The following CCNJL variants were observed in gnomAD, a reference collection of about 807,000 sequenced individuals.
CCNJL encodes the protein cyclin-J-like protein.
CCNJL carries 33 observed loss-of-function variants against 33.4 expected under a neutral mutation model. The ratio of observed to expected loss-of-function variants is 0.99; its 90% CI spans 0.75 to 1.32. CCNJL has a LOEUF of 1.32. Among genes scored for constraint, CCNJL ranks in the 40% most tolerant of loss-of-function variants. The pLI, the probability that CCNJL is intolerant of heterozygous loss-of-function variation, is 0.00. For synonymous variants in CCNJL, 227 were observed against 220.9 expected, an observed-to-expected ratio of 1.03 and a Z score of -0.24; for missense variants, 512 against 499.7, an observed-to-expected ratio of 1.02 and a Z score of -0.23.
At chr5:160,321,601 G>A (rs778684280) in intron 1 of CCNJL, among the ~76,000 whole-genome samples, 7 of 152,176 alleles carry the variant, frequency 4.6e-5, no homozygotes, top group East Asian at 3.9e-4. Context: ...TCTTGATTAC[G>A]CAAGTATCAT....
chr5:160,285,975 A>C (rs1235718560), intron 2 of CCNJL, among the ~76,000 whole-genome samples: 2 of 152,228 alleles, frequency 1.3e-5, no homozygotes, highest in Non-Finnish European at 2.9e-5. Context: ...ACAAGCTTGC[A>C]GACTACGTGG....
chr5:160,326,822 T>C (rs1396774105), intron 1 of CCNJL: 3 of 805,692 alleles, frequency 3.7e-6, no homozygotes, highest in Non-Finnish European at 6.5e-6. Flanking sequence ...AATATGCGGA[T>C]AGAAGGCTGT....
At chr5:160,282,995 A>ATATATT (rs1474304691) in intron 2 of CCNJL, among the ~76,000 whole-genome samples, 1 of 58,364 alleles carries the variant, frequency 1.7e-5, no homozygotes, top group Non-Finnish European at 3.1e-5. Flanking sequence ...ATATATATAT[A>ATATATT]TATATATATA....
At chr5:160,321,078 CT>C (rs773902984) in intron 1 of CCNJL, among the ~76,000 whole-genome samples, 1 of 103,972 alleles carries the variant, frequency 9.6e-6, no homozygotes, top group Non-Finnish European at 1.8e-5. Flanking sequence ...TTCTTTCTTT[CT>C]TTCTTTCTTT....
chr5:160,253,345 C>A lies in CCNJL; in HGVS notation c.*33G>T, dbSNP rs1196405834. The stretch of plus-strand genomic sequence containing the variant: ...CAGTGTCCTCTTCCTCTGCCCACAT[C>A]TCCAAGGCTTCCTCGTGAGGTCTGG... On this transcript the variant is annotated 3_prime_UTR_variant, in exon 6 of 6. Coordinates refer to ENST00000257536, the MANE Select transcript of CCNJL (RefSeq NM_001308173.3). 2 of 1,542,088 alleles carry A rather than the reference C, an allele frequency of 1.3e-6. No homozygotes were observed. The highest frequency in any genetic ancestry group is 1.8e-6 in the Non-Finnish European group (2 of 1,141,660).
chr5:160,254,511 G>A (rs866185915), intron 5 of CCNJL: 6 of 439,700 alleles, frequency 1.4e-5, no homozygotes, highest in African/African-American at 1.0e-4. Flanking sequence ...CTTTTCAGAG[G>A]AATGAGATAA....
Position 160,280,809 on chromosome 5 carries a change from T to C in CCNJL, c.67-71A>G, listed in dbSNP as rs777818404. On this transcript the variant is annotated intron_variant, in intron 2 of 5. Coordinates refer to ENST00000257536, the MANE Select transcript of CCNJL (RefSeq NM_001308173.3). ...TGAGAGTCTCGGCTGTCCCAGGAAA[T>C]GGGACCTCAGGGCCTGAATGGGAGG... is the stretch of plus-strand genomic sequence containing the variant. 3.8e-6 allele frequency: 4 copies of C among 1,059,658 alleles called. No individual in the cohort carries two copies. In the South Asian group the frequency reaches 5.4e-5, roughly 14 times the overall value. The allele number at this position is 1,059,658 out of a possible 1,614,324, so 65.6% of individuals were successfully genotyped here.
At chr5:160,311,159 G>C (rs1213058032) in intron 2 of CCNJL, among the ~76,000 whole-genome samples, 1 of 152,092 alleles carries the variant, frequency 6.6e-6, no homozygotes, top group Non-Finnish European at 1.5e-5. Flanking sequence ...CTCTCCTTGA[G>C]GGGAGGGGTG....
chr5:160,313,939 A>T (rs1182809436), upstream of CCNJL, among the ~76,000 whole-genome samples: 1 of 152,242 alleles, frequency 6.6e-6, no homozygotes, highest in Non-Finnish European at 1.5e-5. Flanking sequence ...GGCCAAGGGC[A>T]GGCAGATCAC....
At chr5:160,303,692 C>CTGTGTGTG (rs1292597058) in intron 2 of CCNJL, among the ~76,000 whole-genome samples, 2 of 95,814 alleles carry the variant, frequency 2.1e-5, no homozygotes, top group Admixed American at 2.6e-4. Context: ...AACAAATCCT[C>CTGTGTGTG]TGTGTGTCTG....
At chr5:160,269,555 A>G (rs1580965557) in intron 3 of CCNJL, 1 of 450,418 alleles carries the variant, frequency 2.2e-6, no homozygotes, top group East Asian at 7.0e-5. Context: ...CTATGCGGGG[A>G]ACAGGGAGAA....
intron 1 of CCNJL, among the ~76,000 whole-genome samples, chr5:160,330,479 T>A (rs1369371712): frequency 6.6e-6 from 1 of 152,048 alleles, no homozygotes; most frequent in Non-Finnish European, 1.5e-5. Flanking sequence ...TGTCGTGGGC[T>A]CCTCTCTCCT....
intron 1 of CCNJL, among the ~76,000 whole-genome samples, chr5:160,334,858 T>C (rs939481205): frequency 6.6e-6 from 1 of 152,252 alleles, no homozygotes; most frequent in African/African-American, 2.4e-5. Flanking sequence ...GGGCTGATGA[T>C]GAGCCTTTCC....
intron 1 of CCNJL, among the ~76,000 whole-genome samples, chr5:160,335,501 C>T (rs543832010): frequency 7.2e-5 from 11 of 152,320 alleles, no homozygotes; most frequent in African/African-American, 2.6e-4. Flanking sequence ...GGTCTCTGAT[C>T]TCCATCTTGC....
At chr5:160,337,338 A>G (rs907854834) in intron 1 of CCNJL, among the ~76,000 whole-genome samples, 1 of 151,844 alleles carries the variant, frequency 6.6e-6, no homozygotes. Flanking sequence ...TATTAAACTA[A>G]TCTCCTGTCT....
At chr5:160,296,147 C>T (rs1195782133) in intron 2 of CCNJL, among the ~76,000 whole-genome samples, 1 of 152,150 alleles carries the variant, frequency 6.6e-6, no homozygotes, top group Non-Finnish European at 1.5e-5. Flanking sequence ...TATTCAAGAA[C>T]CACCAGTGCC....
At chr5:160,274,316 G>A (rs2065956755) in intron 3 of CCNJL, among the ~76,000 whole-genome samples, 1 of 152,040 alleles carries the variant, frequency 6.6e-6, no homozygotes, top group Non-Finnish European at 1.5e-5. Flanking sequence ...AAAATGAGCT[G>A]GATGTGGTGG....
intron 1 of CCNJL, among the ~76,000 whole-genome samples, chr5:160,333,360 G>A (rs907020356): frequency 8.6e-5 from 13 of 152,026 alleles, no homozygotes; most frequent in East Asian, 7.8e-4. Flanking sequence ...TCCTGACCTC[G>A]TTATCTGCCC....
At chr5:160,274,593 C>T (rs1226333600) in intron 3 of CCNJL, among the ~76,000 whole-genome samples, 2 of 152,230 alleles carry the variant, frequency 1.3e-5, no homozygotes, top group Non-Finnish European at 2.9e-5. Flanking sequence ...TTCCCACCCC[C>T]CTGAAAGAAA....
Sources: allele counts gnomAD v4.1 joint callset (sites outside exome capture counted in the v4.1 genomes callset), GRCh38; gene constraint gnomAD v4.1.1; transcripts MANE v1.5; gene names NCBI Gene and HGNC (gene_info 2026-07-23, HGNC 2026-07-21).